SWT1: variants seen among roughly 807,000 people sequenced by gnomAD.
SWT1 encodes the protein transcriptional protein SWT1.
SWT1 carries 33 observed loss-of-function variants against 107.3 expected under a neutral mutation model. The ratio of observed to expected loss-of-function variants is 0.31; its 90% confidence interval spans 0.23 to 0.41. SWT1 has a LOEUF of 0.41. Ranked by LOEUF, SWT1 falls within the 10% of genes least tolerant of loss-of-function variation. SWT1 has a pLI of 1.00. For synonymous variants in SWT1, 345 were observed against 348.3 expected, an observed-to-expected ratio of 0.99 and a Z score of 0.11; for missense variants, 898 against 1,028.9, an observed-to-expected ratio of 0.87 and a Z score of 1.74.
At chr1:185,257,513 C>T (rs542638613) in intron 16 of SWT1, among the ~76,000 whole-genome samples, 228 of 151,904 alleles carry the variant, frequency 1.5e-3, no homozygotes, top group African/African-American at 5.3e-3. Context: ...GTCGGAAAAG[C>T]GCAGTATTCG....
At chr1:185,179,572 G>A (rs1370942706) in intron 5 of SWT1, among the ~76,000 whole-genome samples, 1 of 152,066 alleles carries the variant, frequency 6.6e-6, no homozygotes, top group African/African-American at 2.4e-5. Context: ...TTCTTTTTTA[G>A]CCTTATTGTA....
intron 16 of SWT1, among the ~76,000 whole-genome samples, chr1:185,236,933 T>G (rs549639274): frequency 6.6e-6 from 1 of 152,254 alleles, no homozygotes; most frequent in South Asian, 2.1e-4. Context: ...AAGAAGACAT[T>G]TATGCAGCCA....
At chr1:185,176,750 C>T (rs753220712) in intron 5 of SWT1, 36 of 873,936 alleles carry the variant, frequency 4.1e-5, no homozygotes, top group South Asian at 3.1e-4. Context: ...TTTGGGAGGC[C>T]GAGGTGGGCG....
At chr1:185,261,287 T>C (rs562003873) in intron 16 of SWT1, among the ~76,000 whole-genome samples, 1 of 152,184 alleles carries the variant, frequency 6.6e-6, no homozygotes, top group East Asian at 1.9e-4. Context: ...CTTATTACAC[T>C]TAGTGTAATG....
intron 5 of SWT1, chr1:185,177,146 G>A (rs764503954): frequency 8.5e-5 from 55 of 643,552 alleles, no homozygotes; most frequent in Non-Finnish European, 1.0e-4. Context: ...TTTGAATTGA[G>A]TTTGTTTTCA....
chr1:185,169,451 T>C (rs1654862402), intron 4 of SWT1, among the ~76,000 whole-genome samples: 1 of 152,052 alleles, frequency 6.6e-6, no homozygotes, highest in South Asian at 2.1e-4. Context: ...TCTAGAGAAG[T>C]TTCTGAAATT....
intron 18 of SWT1, among the ~76,000 whole-genome samples, chr1:185,290,094 C>T (rs1193008296): frequency 6.6e-6 from 1 of 151,486 alleles, no homozygotes; most frequent in African/African-American, 2.4e-5. Context: ...GAGACCCTGT[C>T]TCTACCAAAA....
Position 185,231,715 on chromosome 1 carries a change from AC to A in SWT1, c.2441+8del. ...TTCTTGAAGGAATTCAAAGGTAAAC[AC>A]TATATTAATTTTAAAGTGTTATTTA... On this transcript the variant is annotated splice_region_variant and intron_variant, in intron 16 of 18. Transcript: ENST00000367500. 6.3e-7 allele frequency: 1 copy of A among 1,592,948 alleles called. No homozygotes were observed. The highest frequency in any genetic ancestry group is 8.6e-7 in the Non-Finnish European group (1 of 1,167,122).
Position 185,180,402 on chromosome 1 carries a change from A to G in SWT1, c.978A>G (p.Ala326=). 1 of 1,613,224 alleles carries G rather than the reference A, an allele frequency of 6.2e-7. No individual in the cohort carries two copies. Among genetic ancestry groups the G allele is most frequent in the Non-Finnish European group, 8.5e-7 (1 of 1,179,178 alleles). ...SRENLTQSFE[A]PCCSVSSESI... The stretch of plus-strand genomic sequence containing the variant: ...TACTTTCATTTCAGAGTTTTGAAGC[A>G]CCATGTTGTTCCGTGTCATCTGAAA... The change falls in exon 6 of 19, where the codon GCA becomes GCG. Residue 326 remains alanine (A), a synonymous_variant. Coordinates refer to ENST00000367500, the MANE Select transcript of SWT1 (RefSeq NM_017673.7).
Position 185,166,557 on chromosome 1 carries a change from T to C in SWT1, c.85-15T>C. 6.5e-7 allele frequency: 1 copy of C among 1,537,172 alleles called. No individual in the cohort carries two copies. Among genetic ancestry groups the C allele is most frequent in the South Asian group, 1.2e-5 (1 of 85,770 alleles). ...TTGTGCTTTTTAAAATTCATTTTCT[T>C]TATTGCATTCTTAGGACAAGAAAGA... On this transcript the variant is annotated splice_polypyrimidine_tract_variant and intron_variant, in intron 2 of 18. Coordinates refer to ENST00000367500, the MANE Select transcript of SWT1 (RefSeq NM_017673.7).
Position 185,213,750 on chromosome 1 carries a change from A to ATTAG in SWT1, c.1973-754_1973-753insGTTA, listed in dbSNP as rs3835512. The stretch of plus-strand genomic sequence containing the variant: ...TTTTTTCTGTTCTGAGTTTTATGAT[A>ATTAG]TTACTTAATTTTATTGTTTATAACT... On this transcript the variant is annotated intron_variant, in intron 13 of 18. Transcript: ENST00000367500. 5.9e-3 allele frequency among the ~76,000 whole-genome samples: 902 copies of ATTAG among 152,278 alleles called. 33 individuals carry two copies. The East Asian group carries it at 0.096, about 16-fold the overall frequency.
At chr1:185,199,649 C>T (rs908698763) in intron 10 of SWT1, among the ~76,000 whole-genome samples, 11 of 152,112 alleles carry the variant, frequency 7.2e-5, no homozygotes, top group Middle Eastern at 3.2e-3. Flanking sequence ...GTGGGTAACC[C>T]GACTTTTCTC....
intron 2 of SWT1, among the ~76,000 whole-genome samples, chr1:185,162,649 T>C (rs974154973): frequency 6.6e-6 from 1 of 152,178 alleles, no homozygotes; most frequent in Non-Finnish European, 1.5e-5. Flanking sequence ...TTTCTTTTTA[T>C]AATGTATAGG....
chr1:185,290,645 C>T, intron 18 of SWT1, 29 bp from the exon 19 acceptor site: 8 of 1,512,832 alleles, frequency 5.3e-6, no homozygotes, highest in Admixed American at 2.0e-5. Flanking sequence ...AGCTGTCTTG[C>T]AATGATTTAA....
intron 2 of SWT1, among the ~76,000 whole-genome samples, chr1:185,163,643 G>A (rs1174684580): frequency 3.3e-5 from 5 of 152,008 alleles, no homozygotes; most frequent in Non-Finnish European, 7.4e-5. Context: ...ATCTGCCTAC[G>A]TCGGCCTCCC....
rs145655843 is a variant in SWT1 at position 185,180,415 on chromosome 1, G to A, written c.991G>A (p.Val331Met). 182 of 1,613,194 alleles carry A rather than the reference G, an allele frequency of 1.1e-4. 1 individual carries two copies. In the African/African-American group the frequency reaches 2.0e-3, roughly 18 times the overall value. The change falls in exon 6 of 19, where the codon GTG becomes ATG. Residue 331 changes from valine (V) to methionine (M), a missense_variant. Around this residue, in one of 6 missense-constraint regions of SWT1, gnomAD observed 94 missense variants for 114.5 expected, o/e 0.82. Coordinates refer to ENST00000367500, the MANE Select transcript of SWT1 (RefSeq NM_017673.7). ...TQSFEAPCCS[V>M]SSESIQDADQ... ...GAGTTTTGAAGCACCATGTTGTTCC[G>A]TGTCATCTGAAAGTATCCAGGATGC...
intron 12 of SWT1, 146 bp from the exon 13 acceptor site, chr1:185,206,479 A>T (rs1461053336): frequency 4.3e-6 from 2 of 469,530 alleles, no homozygotes; most frequent in Admixed American, 3.9e-5. Flanking sequence ...TTTTAATGTT[A>T]TGATTGACTT....
At chr1:185,208,217 TAGGAAAAAA>T (rs1658488398) in intron 13 of SWT1, among the ~76,000 whole-genome samples, 1 of 152,102 alleles carries the variant, frequency 6.6e-6, no homozygotes, top group Non-Finnish European at 1.5e-5. Flanking sequence ...TCATAGAAGC[TAGGAAAAAA>T]AGGAAAAAAA....
chr1:185,256,378 T>C (rs1049878003), intron 16 of SWT1, among the ~76,000 whole-genome samples: 3 of 149,490 alleles, frequency 2.0e-5, no homozygotes, highest in Non-Finnish European at 4.5e-5. Flanking sequence ...CAGAGTGTTT[T>C]CCAACTTGGT....
Sources: allele counts gnomAD v4.1 joint callset (sites outside exome capture counted in the v4.1 genomes callset), GRCh38; gene constraint gnomAD v4.1.1; regional missense constraint gnomAD v4.1.1; transcripts MANE v1.5; gene names NCBI Gene and HGNC (gene_info 2026-07-23, HGNC 2026-07-21).